Variants in PATE4 observed in about 807,000 individuals in gnomAD.
The protein encoded by PATE4 is prostate and testis expressed protein 4.
A neutral mutation model predicts 8.5 loss-of-function variants in PATE4; 13 were observed. That is an observed-to-expected ratio of 1.53 (90% CI 1.00 to 2.43). PATE4 has a LOEUF of 2.43. PATE4 is among the 30% of genes most tolerant of loss of function. The pLI is 0.00. For missense variants in PATE4, 127 were observed against 115.5 expected (o/e 1.10, Z -0.46); for synonymous variants, 47 against 39.3 (o/e 1.20, Z -0.73).
At chr11:125,838,173 C>A in intron 2 of PATE4, 133 bp from the exon 3 acceptor site, 1 of 1,124,500 alleles carries the variant, frequency 8.9e-7, no homozygotes, top group Non-Finnish European at 1.2e-6. Flanking sequence ...GTTACGGTGG[C>A]GATTGGGAAC....
chr11:125,834,875 G>C (rs776411141), intron 1 of PATE4: 8 of 152,084 alleles, frequency 5.3e-5, no homozygotes, highest in Non-Finnish European at 1.0e-4. Flanking sequence ...AGTATGCATA[G>C]TATACTACCA....
chr11:125,837,317 G>C (rs545116512), intron 1 of PATE4, among the ~76,000 whole-genome samples: 20 of 152,056 alleles, frequency 1.3e-4, no homozygotes, highest in Non-Finnish European at 2.4e-4. Flanking sequence ...AAAGAGAAAG[G>C]CCAGACCAAG....
rs138583682 is a variant in PATE4 at position 125,839,890 on chromosome 11, T to C, written c.*1463T>C. The stretch of plus-strand genomic sequence containing the variant: ...ACCATATCAGTCCCCTTCTTAAAAC[T>C]CTCCTCTCTAGCTCCTATGACTGTA... On this transcript the variant is annotated 3_prime_UTR_variant, in exon 3 of 3. Coordinates refer to ENST00000457514, the MANE Select transcript of PATE4 (RefSeq NM_001144874.1). 5.9e-5 allele frequency: 9 copies of C among 152,244 alleles called. No homozygotes were observed. The East Asian group carries it at 1.7e-3, about 29-fold the overall frequency. 9.4% of individuals were successfully genotyped at this position (152,244 alleles called of 1,614,324 possible).
chr11:125,837,983 G>T lies in PATE4; in HGVS notation c.174G>T (p.Arg58Ser). ...NELCSTTAYFRGDKHMYSTHM... is the reference protein window; with the variant it reads ...NELCSTTAYFSGDKHMYSTHM... The stretch of plus-strand genomic sequence containing the variant: ...TATGTTCAACAACAGCCTATTTCAG[G>T]GGTAAGTGGGGCTCATGAAGACTCC... Residue 58 changes from arginine to serine, a missense_variant and splice_region_variant, in exon 2 of 3, where the codon AGG becomes AGT. Coordinates refer to ENST00000457514, the MANE Select transcript of PATE4 (RefSeq NM_001144874.1). The T allele has an allele frequency of 6.5e-7, 1 of 1,550,052 alleles. No homozygotes were observed. The highest frequency in any genetic ancestry group is 8.7e-7 in the Non-Finnish European group (1 of 1,145,570).
intron 1 of PATE4, chr11:125,834,922 T>A (rs1266553959): frequency 6.6e-6 from 1 of 152,194 alleles, no homozygotes; most frequent in Non-Finnish European, 1.5e-5. Context: ...ATGTGCATAT[T>A]TATATTTGCT....
chr11:125,833,885 T>A (rs1943903494), intron 1 of PATE4, among the ~76,000 whole-genome samples: 1 of 152,162 alleles, frequency 6.6e-6, no homozygotes. Context: ...ATGCTGAAAA[T>A]GCCCAGTTTT....
At chr11:125,835,024 G>A (rs1463225204) in intron 1 of PATE4, 1 of 152,122 alleles carries the variant, frequency 6.6e-6, no homozygotes, top group Non-Finnish European at 1.5e-5. Context: ...TAACTAGCTG[G>A]CAAGAGTGGG....
intron 1 of PATE4, 25 bp downstream of exon 1, chr11:125,833,442 G>A: frequency 2.6e-6 from 4 of 1,544,146 alleles, no homozygotes; most frequent in Non-Finnish European, 3.5e-6. Flanking sequence ...TGGGGGTGGA[G>A]GGAGGCAACT....
At position 125,833,399 on chromosome 11, in the gene PATE4, TTTCTC is replaced by T; in HGVS notation, c.42_46del (p.Phe14LeufsTer11). 1 of 1,551,484 alleles carries T rather than the reference TTTCTC, an allele frequency of 6.4e-7. No individual in the cohort carries two copies. Among genetic ancestry groups the T allele is most frequent in the Non-Finnish European group, 8.7e-7 (1 of 1,146,870 alleles). ...CACACTGCTCCTTGTGAGCTTATCT[TTTCTC>T]TACCTCAAAGAGGGTAAGTTTGAAC... On this transcript the variant is annotated frameshift_variant, in exon 1 of 3. Transcript: ENST00000457514. LOFTEE classifies it high-confidence loss of function.
rs1240336454 is a variant in PATE4 at position 125,838,233 on chromosome 11, T to C, written c.176-73T>C. ...ACCCAGTGTTAAGTGCTATTCCTCT[T>C]GGTGGTGAGTTTTAGTAAGTCACTA... On this transcript the variant is annotated intron_variant, in intron 2 of 2. Coordinates refer to ENST00000457514, the MANE Select transcript of PATE4 (RefSeq NM_001144874.1). 47 of 1,423,080 alleles carry C rather than the reference T, an allele frequency of 3.3e-5. No individual in the cohort carries two copies. In the Admixed American group the frequency reaches 5.7e-4, roughly 17 times the overall value. The allele number at this position is 1,423,080 out of a possible 1,614,324, so 88.2% of individuals were successfully genotyped here.
intron 1 of PATE4, among the ~76,000 whole-genome samples, chr11:125,837,276 C>T (rs1943927234): frequency 6.6e-6 from 1 of 152,208 alleles, no homozygotes; most frequent in East Asian, 1.9e-4. Flanking sequence ...AATCACCTCT[C>T]TGTCTGCCTG....
chr11:125,837,691 T>C (rs1038541356), intron 1 of PATE4, among the ~76,000 whole-genome samples, 177 bp from the exon 2 acceptor site: 1 of 152,246 alleles, frequency 6.6e-6, no homozygotes, highest in Non-Finnish European at 1.5e-5. Context: ...TGTCTTATCT[T>C]TTTTATCCAC....
At chr11:125,837,773 G>C in intron 1 of PATE4, 95 bp from the exon 2 acceptor site, 1 of 777,582 alleles carries the variant, frequency 1.3e-6, no homozygotes. Context: ...TGAGTGGACA[G>C]TATCGTCAAT....
At chr11:125,836,670 C>G (rs544124079) in intron 1 of PATE4, among the ~76,000 whole-genome samples, 5 of 75,914 alleles carry the variant, frequency 6.6e-5, no homozygotes, top group African/African-American at 2.2e-4. Context: ...CTCTTAAATG[C>G]TCTCATTGCA....
Position 125,840,052 on chromosome 11 carries a change from C to T in PATE4, c.*1625C>T, listed in dbSNP as rs976825780. On this transcript the variant is annotated 3_prime_UTR_variant, in exon 3 of 3. Transcript: ENST00000457514. ...TTGTAATACTGCCTTAAGTAAAGAT[C>T]CAGTATTATTTTTCTCCATAGAATG... 1 of 152,104 alleles carries T rather than the reference C, an allele frequency of 6.6e-6. No homozygotes were observed. The highest frequency in any genetic ancestry group is 1.5e-5 in the Non-Finnish European group (1 of 68,032). The allele number at this position is 152,104 out of a possible 1,614,324, so 9.4% of individuals were successfully genotyped here. A position where few individuals can be genotyped will look rare whatever the true frequency, so the allele number is the denominator to read the frequency against.
chr11:125,838,561 C>T lies in PATE4; in HGVS notation c.*134C>T. ...CAGAGAGAGCTGCAGGGGCTGTCCTCATTGCAATGAAGGGGCTCCCCACAC... is the reference window on the plus strand; with the variant it reads ...CAGAGAGAGCTGCAGGGGCTGTCCTTATTGCAATGAAGGGGCTCCCCACAC... On this transcript the variant is annotated 3_prime_UTR_variant, in exon 3 of 3. Coordinates refer to ENST00000457514, the MANE Select transcript of PATE4 (RefSeq NM_001144874.1). 1 of 1,108,692 alleles carries T rather than the reference C, an allele frequency of 9.0e-7. No individual in the cohort carries two copies. The highest frequency in any genetic ancestry group is 2.8e-5 in the East Asian group (1 of 35,516). The allele number at this position is 1,108,692 out of a possible 1,614,324, so 68.7% of individuals were successfully genotyped here. A position where few individuals can be genotyped will look rare whatever the true frequency, so the allele number is the denominator to read the frequency against.
chr11:125,835,542 A>T (rs1290003318), intron 1 of PATE4: 2 of 152,198 alleles, frequency 1.3e-5, no homozygotes, highest in Non-Finnish European at 2.9e-5. Context: ...GAGAGAAAAT[A>T]TAACCACCAG....
intron 1 of PATE4, among the ~76,000 whole-genome samples, chr11:125,834,373 G>A (rs1943906348): frequency 6.6e-6 from 1 of 152,026 alleles, no homozygotes; most frequent in Admixed American, 6.6e-5. Context: ...AGAAAAATGG[G>A]CAAAGTATGT....
At chr11:125,833,479 C>T (rs1565434202) in intron 1 of PATE4, 62 bp downstream of exon 1, 1 of 1,420,634 alleles carries the variant, frequency 7.0e-7, no homozygotes, top group Non-Finnish European at 9.7e-7. Flanking sequence ...TAAACCTCTA[C>T]TCTCCAAGTC....
Sources: gnomAD v4.1 joint callset for allele counts (sites outside exome capture counted in the v4.1 genomes callset) on GRCh38, gnomAD v4.1.1 for gene constraint, MANE v1.5 for transcripts, NCBI Gene and HGNC (gene_info 2026-07-23, HGNC 2026-07-21) for gene names.